The following ICE2 variants were observed in gnomAD, a reference collection of about 807,000 sequenced individuals.
ICE2 encodes the protein little elongation complex subunit 2.
A neutral mutation model predicts 105.4 loss-of-function variants in ICE2; 87 were observed. That is an observed-to-expected ratio of 0.83 (90% CI 0.69 to 0.99). ICE2 has a LOEUF of 0.99. Ranked by LOEUF, ICE2 falls within the 50% of genes least tolerant of loss-of-function variation. The pLI, the probability that ICE2 is intolerant of heterozygous loss-of-function variation, is 0.00. For synonymous variants in ICE2, 399 were observed against 392.0 expected, an observed-to-expected ratio of 1.02 and a Z score of -0.21; for missense variants, 1,323 against 1,146.7, an observed-to-expected ratio of 1.15 and a Z score of -2.22.
intron 15 of ICE2, among the ~76,000 whole-genome samples, chr15:60,423,972 T>C (rs377096479): frequency 2.0e-5 from 3 of 152,212 alleles, no homozygotes; most frequent in East Asian, 3.8e-4. Context: ...GAGAAGTTGA[T>C]AGATCTGAGT....
At chr15:60,453,347 A>G (rs2064011733) in intron 9 of ICE2, 2 of 1,234,204 alleles carry the variant, frequency 1.6e-6, no homozygotes, top group East Asian at 3.5e-5. Context: ...AGCCTTTAAC[A>G]TAAAATATCA....
In ICE2 at chr15:60,468,142, C is replaced by T. The variant is rs962947472; in HGVS notation, c.327G>A (p.Val109=). 1.9e-6 allele frequency: 3 copies of T among 1,613,778 alleles called. No homozygotes were observed. The highest frequency in any genetic ancestry group is 2.5e-6 in the Non-Finnish European group (3 of 1,179,960). The change falls in exon 4 of 16, where the codon GTG becomes GTA. Residue 109 remains valine, a synonymous_variant. Coordinates refer to ENST00000261520, the MANE Select transcript of ICE2 (RefSeq NM_024611.6). ...RFSQREQRSY[V]DLLVKYAKIP... is the part of the protein sequence containing the mutation. ...TCTTTGCGTATTTAACCAACAAGTC[C>T]ACATAACTCCTCTGCTCTCTCTGTG...
rs2063245655 is a variant in ICE2 at position 60,421,956 on chromosome 15, T to C, written c.*1678A>G. On this transcript the variant is annotated 3_prime_UTR_variant, in exon 16 of 16. Transcript: ENST00000261520. ...TCAACTGTTACAATACTTGAGGAGA[T>C]TTTTCGGTCTAATTTCTCAGAAATT... The C allele has an allele frequency of 6.6e-6, 1 of 151,700 alleles. No homozygotes were observed. The highest frequency in any genetic ancestry group is 2.4e-5 in the African/African-American group (1 of 41,334). The allele number at this position is 151,700 out of a possible 1,614,324, so 9.4% of individuals were successfully genotyped here. A position where few individuals can be genotyped will look rare whatever the true frequency, so the allele number is the denominator to read the frequency against.
chr15:60,475,700 G>A (rs561604832), intron 3 of ICE2, among the ~76,000 whole-genome samples: 10 of 151,900 alleles, frequency 6.6e-5, no homozygotes, highest in Non-Finnish European at 1.5e-4. Context: ...GTATGTGTGC[G>A]TGTACACGTT....
At chr15:60,442,792 A>T (rs529773594) in intron 11 of ICE2, 37 of 293,082 alleles carry the variant, frequency 1.3e-4, no homozygotes, top group African/African-American at 8.1e-4. Context: ...GACCAAAATC[A>T]ACATACCTCC....
At chr15:60,454,698 T>A (rs4774363) in intron 8 of ICE2, 2 of 220,166 alleles carry the variant, frequency 9.1e-6, no homozygotes, top group Non-Finnish European at 1.8e-5. Context: ...TTCTTTTTTT[T>A]AAATTTTACT....
intron 11 of ICE2, among the ~76,000 whole-genome samples, chr15:60,446,469 C>T (rs957852331): frequency 1.3e-5 from 2 of 152,130 alleles, no homozygotes; most frequent in Non-Finnish European, 2.9e-5. Context: ...GATCTCGGCT[C>T]ACTGCAAGCT....
intron 2 of ICE2, 121 bp downstream of exon 2, chr15:60,477,816 A>G (rs2064808177): frequency 2.3e-6 from 2 of 860,814 alleles, no homozygotes; most frequent in South Asian, 2.8e-5. Context: ...AAATTCTGAG[A>G]CCCTAAACTT....
chr15:60,462,218 T>C (rs1011998360), intron 5 of ICE2, among the ~76,000 whole-genome samples: 1 of 152,166 alleles, frequency 6.6e-6, no homozygotes, highest in African/African-American at 2.4e-5. Context: ...ATCAGAATAT[T>C]ACAACTGTGC....
At chr15:60,460,328 T>C (rs1354854144) in intron 5 of ICE2, among the ~76,000 whole-genome samples, 1 of 152,196 alleles carries the variant, frequency 6.6e-6, no homozygotes, top group East Asian at 1.9e-4. Flanking sequence ...GAAATCCATC[T>C]CCACTAAAAA....
chr15:60,473,101 A>C (rs962080472), intron 3 of ICE2, among the ~76,000 whole-genome samples: 1 of 151,908 alleles, frequency 6.6e-6, no homozygotes, highest in Non-Finnish European at 1.5e-5. Flanking sequence ...ATGCCACCAC[A>C]CCAGCTAATT....
intron 2 of ICE2, among the ~76,000 whole-genome samples, chr15:60,476,507 A>G (rs1354098931): frequency 6.6e-6 from 1 of 152,260 alleles, no homozygotes; most frequent in Non-Finnish European, 1.5e-5. Context: ...GGCTGGCCTC[A>G]CTTCTGGCTC....
intron 9 of ICE2, 68 bp from the exon 10 acceptor site, chr15:60,449,909 C>G: frequency 9.2e-7 from 1 of 1,092,726 alleles, no homozygotes; most frequent in Non-Finnish European, 1.3e-6. Context: ...CTTAATGTCC[C>G]TATCCCTGTC....
At position 60,438,155 on chromosome 15, in the gene ICE2, T is replaced by C. The variant is rs555981387; in HGVS notation, c.2426-1928A>G. 80 of 152,340 alleles carry C rather than the reference T, an allele frequency of 5.3e-4. 1 individual carries two copies. The highest frequency in any genetic ancestry group is 1.6e-3 in the African/African-American group (68 of 41,578). The allele number at this position is 152,340 out of a possible 1,614,324, so 9.4% of individuals were successfully genotyped here. ...TAAAAGAGTCCTGGGTTAAATGTTATATAAGTCAACACAAAAATCGTATGT... is the reference window on the plus strand; with the variant it reads ...TAAAAGAGTCCTGGGTTAAATGTTACATAAGTCAACACAAAAATCGTATGT... On this transcript the variant is annotated intron_variant, in intron 12 of 15. Transcript: ENST00000261520.
At chr15:60,446,999 C>T (rs1179556770) in intron 11 of ICE2, among the ~76,000 whole-genome samples, 1 of 152,012 alleles carries the variant, frequency 6.6e-6, no homozygotes, top group Non-Finnish European at 1.5e-5. Context: ...TACCAGAACT[C>T]AGTAGTCATA....
At chr15:60,447,096 C>A (rs1217054073) in intron 11 of ICE2, among the ~76,000 whole-genome samples, 1 of 152,036 alleles carries the variant, frequency 6.6e-6, no homozygotes, top group Non-Finnish European at 1.5e-5. Flanking sequence ...TGCAGCAATA[C>A]ATTTTTTTTC....
intron 3 of ICE2, among the ~76,000 whole-genome samples, chr15:60,475,220 C>A (rs2064724923): frequency 6.6e-6 from 1 of 152,018 alleles, no homozygotes; most frequent in African/African-American, 2.4e-5. Flanking sequence ...TCATCAACAA[C>A]AGAGTAGAAA....
At chr15:60,424,298 A>G (rs952443747) in intron 15 of ICE2, among the ~76,000 whole-genome samples, 9 of 152,208 alleles carry the variant, frequency 5.9e-5, no homozygotes, top group Admixed American at 5.9e-4. Context: ...AAAAACAGTA[A>G]AAGTGTAAGG....
At chr15:60,473,413 C>T (rs532600850) in intron 3 of ICE2, among the ~76,000 whole-genome samples, 2 of 152,194 alleles carry the variant, frequency 1.3e-5, no homozygotes, top group African/African-American at 4.8e-5. Flanking sequence ...ACACCTCAGC[C>T]TCCCCAGTAG....
Sources: gnomAD v4.1 joint callset for allele counts (sites outside exome capture counted in the v4.1 genomes callset) on GRCh38, gnomAD v4.1.1 for gene constraint, MANE v1.5 for transcripts, NCBI Gene and HGNC (gene_info 2026-07-23, HGNC 2026-07-21) for gene names.